Variants in OPRD1 observed in about 807,000 individuals in gnomAD.
OPRD1 encodes the protein opioid receptor delta 1.
OPRD1 carries 19 observed loss-of-function variants against 17.5 expected under a neutral mutation model. The ratio of observed to expected loss-of-function variants is 1.09; its 90% CI spans 0.76 to 1.60. The LOEUF (loss-of-function observed/expected upper bound fraction) is 1.60, where lower values mean the gene tolerates loss of function less well. Among genes scored for constraint, OPRD1 ranks in the 40% most tolerant of loss-of-function variants. OPRD1 has a pLI of 0.00. For synonymous variants in OPRD1, 256 were observed against 240.9 expected (o/e 1.06, Z -0.58); for missense variants, 483 against 547.2 (o/e 0.88, Z 1.17).
Position 28,812,264 on chromosome 1 carries a change from C to A in OPRD1, c.-120C>A. On this transcript the variant is annotated 5_prime_UTR_variant, in exon 1 of 3. Transcript: ENST00000234961. ...ACGAGGCGCAGAGACAGCGGGGCGGCCGGGGCGCGGCAGCCGGCGGCGTCG... is the reference window on the plus strand; with the variant it reads ...ACGAGGCGCAGAGACAGCGGGGCGGACGGGGCGCGGCAGCCGGCGGCGTCG... 3.6e-6 allele frequency: 2 copies of A among 550,604 alleles called. No homozygotes were observed. The highest frequency in any genetic ancestry group is 5.0e-6 in the Non-Finnish European group (2 of 398,866). The allele number at this position is 550,604 out of a possible 1,614,324, so 34.1% of individuals were successfully genotyped here. A position where few individuals can be genotyped will look rare whatever the true frequency, so the allele number is the denominator to read the frequency against.
At chr1:28,830,291 G>A (rs891142284) in intron 1 of OPRD1, among the ~76,000 whole-genome samples, 14 of 152,038 alleles carry the variant, frequency 9.2e-5, no homozygotes, top group African/African-American at 3.4e-4. Flanking sequence ...GGGAGGCTGA[G>A]GTGAGAGAAT....
intron 1 of OPRD1, among the ~76,000 whole-genome samples, chr1:28,834,125 TG>T (rs1281673486): frequency 6.6e-6 from 1 of 152,122 alleles, no homozygotes; most frequent in African/African-American, 2.4e-5. Flanking sequence ...TTGGCCAGTT[TG>T]GTATCGAACT....
At chr1:28,816,623 G>GCT (rs901508993) in intron 1 of OPRD1, among the ~76,000 whole-genome samples, 1 of 152,142 alleles carries the variant, frequency 6.6e-6, no homozygotes, top group Non-Finnish European at 1.5e-5. Context: ...AGGGAATGAG[G>GCT]CTTCCATGAA....
intron 1 of OPRD1, among the ~76,000 whole-genome samples, chr1:28,823,135 A>G (rs2088729714): frequency 6.7e-6 from 1 of 149,802 alleles, no homozygotes; most frequent in African/African-American, 2.5e-5. Context: ...AGAAATCAGC[A>G]GCTTTGTCTC....
At position 28,851,123 on chromosome 1, in the gene OPRD1, A is replaced by G. The variant is rs1408180417; in HGVS notation, c.228-7831A>G. Among the ~76,000 whole-genome samples, 5 of 152,288 alleles carry G rather than the reference A, an allele frequency of 3.3e-5. No homozygotes were observed. In the East Asian group the frequency reaches 9.7e-4, roughly 29 times the overall value. ...ACCCTTAGAGGGCCCAAAAGAAATGAAAAAGAGCCACTTGAAAGCACACCG... is the reference window on the plus strand; with the variant it reads ...ACCCTTAGAGGGCCCAAAAGAAATGGAAAAGAGCCACTTGAAAGCACACCG... On this transcript the variant is annotated intron_variant, in intron 1 of 2. Coordinates refer to ENST00000234961, the MANE Select transcript of OPRD1 (RefSeq NM_000911.4).
intron 1 of OPRD1, among the ~76,000 whole-genome samples, chr1:28,851,174 T>C (rs540770651): frequency 1.8e-4 from 28 of 152,026 alleles, no homozygotes; most frequent in Non-Finnish European, 2.6e-4. Context: ...CTACCAGGGA[T>C]AAAGAGAGGA....
intron 1 of OPRD1, among the ~76,000 whole-genome samples, chr1:28,828,725 C>T (rs1216689540): frequency 6.9e-6 from 1 of 145,804 alleles, no homozygotes; most frequent in African/African-American, 2.5e-5. Flanking sequence ...CGCAGTGGTT[C>T]ACGCCTGTAA....
chr1:28,824,171 C>T (rs2088742171), intron 1 of OPRD1, among the ~76,000 whole-genome samples: 3 of 140,250 alleles, frequency 2.1e-5, no homozygotes, highest in Admixed American at 1.4e-4. Flanking sequence ...AGAGTGAGAA[C>T]CTATCTCCAA....
In OPRD1 at chr1:28,822,902, C is replaced by T. The variant is rs1458637770; in HGVS notation, c.227+10292C>T. 2.6e-5 allele frequency among the ~76,000 whole-genome samples: 4 copies of T among 152,146 alleles called. No individual in the cohort carries two copies. The East Asian group carries it at 5.8e-4, about 22-fold the overall frequency. ...CAAGGAAAAGGCATGATTTCATTAA[C>T]CTCAGAGTCCTGGGACCTCAAAATC... is the stretch of plus-strand genomic sequence containing the variant. On this transcript the variant is annotated intron_variant, in intron 1 of 2. Transcript: ENST00000234961.
In OPRD1 at chr1:28,869,421, G is replaced by GA. The variant is rs1231327578; in HGVS notation, c.*6139dup. On this transcript the variant is annotated 3_prime_UTR_variant, in exon 3 of 3. Coordinates refer to ENST00000234961, the MANE Select transcript of OPRD1 (RefSeq NM_000911.4). ...TTCTAGTCCCAGCACCATCACCGGG[G>GA]ATGAGCCGTTTCAGAGTGTGGCACT... 1 of 152,174 alleles carries GA rather than the reference G, an allele frequency of 6.6e-6. No individual in the cohort carries two copies. The highest frequency in any genetic ancestry group is 1.5e-5 in the Non-Finnish European group (1 of 68,066). 9.4% of individuals were successfully genotyped at this position (152,174 alleles called of 1,614,324 possible).
At chr1:28,837,107 G>A (rs2088859878) in intron 1 of OPRD1, among the ~76,000 whole-genome samples, 1 of 152,106 alleles carries the variant, frequency 6.6e-6, no homozygotes, top group Non-Finnish European at 1.5e-5. Flanking sequence ...CCATCTAGGG[G>A]TGATGAGAGA....
intron 1 of OPRD1, among the ~76,000 whole-genome samples, chr1:28,857,149 T>C (rs896019052): frequency 6.6e-6 from 1 of 152,208 alleles, no homozygotes; most frequent in Non-Finnish European, 1.5e-5. Flanking sequence ...AGCTCCATTC[T>C]TCACCTGTGA....
In OPRD1 at chr1:28,859,107, C is replaced by T. The variant is rs200006198; in HGVS notation, c.381C>T (p.Ile127=). The T allele has an allele frequency of 1.3e-4, 213 of 1,614,090 alleles. No homozygotes were observed. The highest frequency in any genetic ancestry group is 3.5e-4 in the Admixed American group (21 of 60,002). The change falls in exon 2 of 3, where the codon ATC becomes ATT. Residue 127 remains isoleucine, a synonymous_variant. Coordinates refer to ENST00000234961, the MANE Select transcript of OPRD1 (RefSeq NM_000911.4). The part of the protein sequence containing the change: ...GELLCKAVLS[I]DYYNMFTSIF... ...TGCTCTGCAAGGCTGTGCTCTCCAT[C>T]GACTACTACAATATGTTCACCAGCA...
intron 1 of OPRD1, among the ~76,000 whole-genome samples, chr1:28,827,237 G>A (rs1425910243): frequency 6.6e-6 from 1 of 152,154 alleles, no homozygotes; most frequent in Non-Finnish European, 1.5e-5. Context: ...CAGAGGTTGT[G>A]GTGAGCTGAG....
chr1:28,845,924 G>A (rs1381704485), intron 1 of OPRD1, among the ~76,000 whole-genome samples: 1 of 152,174 alleles, frequency 6.6e-6, no homozygotes, highest in East Asian at 1.9e-4. Flanking sequence ...AGTAGTCAGC[G>A]TGATCTTTTA....
At chr1:28,819,785 C>T (rs1445979817) in intron 1 of OPRD1, among the ~76,000 whole-genome samples, 3 of 152,056 alleles carry the variant, frequency 2.0e-5, no homozygotes, top group South Asian at 2.1e-4. Context: ...GTGCTGGGGA[C>T]GTCTAGGTAG....
chr1:28,827,548 GT>G (rs1331084371), intron 1 of OPRD1, among the ~76,000 whole-genome samples: 4 of 152,256 alleles, frequency 2.6e-5, no homozygotes, highest in Non-Finnish European at 5.9e-5. Context: ...ATCCATTAAA[GT>G]TTTTTCATGA....
At chr1:28,813,244 G>A (rs2236861) in intron 1 of OPRD1, among the ~76,000 whole-genome samples, 28,768 of 152,164 alleles carry the variant, frequency 0.19, 3,189 homozygotes, top group Non-Finnish European at 0.24. Context: ...CGGAGTGGCC[G>A]TCGTCCCTGT....
chr1:28,847,077 G>A (rs1200916116), intron 1 of OPRD1, among the ~76,000 whole-genome samples: 1 of 90,782 alleles, frequency 1.1e-5, no homozygotes, highest in African/African-American at 3.3e-5. Flanking sequence ...TTCCGACGGA[G>A]TTTGGCTCTT....
Sources: allele counts gnomAD v4.1 joint callset (sites outside exome capture counted in the v4.1 genomes callset), GRCh38; gene constraint gnomAD v4.1.1; transcripts MANE v1.5; gene names NCBI Gene and HGNC (gene_info 2026-07-23, HGNC 2026-07-21).